EYS: variants seen among roughly 807,000 people sequenced by gnomAD.
EYS encodes EGF-like photoreceptor maintenance factor.
EYS carries 250 observed loss-of-function variants against 282.1 expected under a neutral mutation model. That is an observed-to-expected ratio of 0.89 (90% CI 0.80 to 0.98). The LOEUF is 0.98. Ranked by LOEUF, EYS falls within the 50% of genes least tolerant of loss-of-function variation. The pLI is 0.00. For missense variants in EYS, 4,016 were observed against 3,709.0 expected, an observed-to-expected ratio of 1.08 and a Z score of -2.15; for synonymous variants, 1,355 against 1,282.9, an observed-to-expected ratio of 1.06 and a Z score of -1.20.
rs549495134 is a variant in EYS at position 64,407,010 on chromosome 6, T to C, written c.5928-18170A>G. ...AAGACACATGCACACATATGTTCAT[T>C]GCAGAACTGTTCACAGTGCAAACAC... On this transcript the variant is annotated intron_variant, in intron 28 of 42. Transcript: ENST00000503581. 7.0e-4 allele frequency among the ~76,000 whole-genome samples: 107 copies of C among 152,314 alleles called. 3 individuals are homozygous for C. The South Asian group carries it at 0.021, about 29-fold the overall frequency.
intron 2 of EYS, among the ~76,000 whole-genome samples, chr6:65,629,686 C>T (rs539835055): frequency 3.3e-5 from 5 of 152,188 alleles, no homozygotes; most frequent in South Asian, 4.2e-4. Context: ...CTCGAGAAGA[C>T]GGCCTTCAGG....
chr6:65,201,811 T>C (rs1765908801), intron 12 of EYS, among the ~76,000 whole-genome samples: 1 of 151,896 alleles, frequency 6.6e-6, no homozygotes, highest in Non-Finnish European at 1.5e-5. Context: ...AAAAAAATGA[T>C]TTTGTGTGTG....
rs150894367 is a variant in EYS, at chr6:65,345,715, G to A, written c.1460-1538C>T. ...TAAACATTAGGATTTAACTCTTAAC[G>A]TCTTCCCTCTGCCTCCCAAGACCTC... On this transcript the variant is annotated intron_variant, in intron 9 of 42. Coordinates refer to ENST00000503581, the MANE Select transcript of EYS (RefSeq NM_001142800.2). Among the ~76,000 whole-genome samples, 304 of 151,058 alleles carry A rather than the reference G, an allele frequency of 2.0e-3. 1 individual carries two copies. Among genetic ancestry groups the A allele is most frequent in the Middle Eastern group, 0.014 (4 of 290 alleles).
chr6:65,616,560 G>A (rs1766204695), intron 2 of EYS, among the ~76,000 whole-genome samples: 1 of 152,072 alleles, frequency 6.6e-6, no homozygotes, highest in East Asian at 1.9e-4. Context: ...GGCCGAGGTG[G>A]GTGGATCACG....
chr6:65,354,897 C>CA lies in EYS; in HGVS notation c.1300-1281dup, dbSNP rs982473483. ...CCATTTAATTATATTAAATGATTACCAAAAAATACAATTTTATGATATATT... is the reference window on the plus strand; with the variant it reads ...CCATTTAATTATATTAAATGATTACCAAAAAAATACAATTTTATGATATATT... On this transcript the variant is annotated intron_variant, in intron 8 of 42. Transcript: ENST00000503581. 5.0e-4 allele frequency among the ~76,000 whole-genome samples: 76 copies of CA among 151,248 alleles called. 1 individual carries two copies. Among genetic ancestry groups the CA allele is most frequent in the African/African-American group, 1.7e-3 (70 of 41,312 alleles).
chr6:64,866,606 T>C (rs1766432867), intron 19 of EYS, among the ~76,000 whole-genome samples: 2 of 151,910 alleles, frequency 1.3e-5, no homozygotes, highest in South Asian at 4.1e-4. Context: ...TCCCAAACTG[T>C]TTTTTATTTT....
intron 19 of EYS, among the ~76,000 whole-genome samples, chr6:64,883,017 A>G (rs1766970305): frequency 6.6e-6 from 1 of 151,600 alleles, no homozygotes; most frequent in Admixed American, 6.6e-5. Context: ...GAGGATCAGT[A>G]CTTGCAATAG....
intron 29 of EYS, among the ~76,000 whole-genome samples, chr6:64,324,402 T>C (rs774229479): frequency 1.3e-5 from 2 of 152,186 alleles, no homozygotes; most frequent in Non-Finnish European, 2.9e-5. Context: ...TTGTGACAGA[T>C]GCATAAAAAA....
chr6:63,759,480 T>C (rs530465021), intron 41 of EYS, among the ~76,000 whole-genome samples: 2 of 152,268 alleles, frequency 1.3e-5, no homozygotes, highest in South Asian at 2.1e-4. Context: ...GTTTCACTTA[T>C]AATTTAGCAG....
At chr6:63,739,859 ATT>A (rs34240759) in intron 41 of EYS, among the ~76,000 whole-genome samples, 1,697 of 123,510 alleles carry the variant, frequency 0.014, 19 homozygotes, top group African/African-American at 0.03. Flanking sequence ...ACGCCCAGCT[ATT>A]TTTTTTTTTT....
At chr6:64,478,293 T>G (rs1776334277) in intron 26 of EYS, among the ~76,000 whole-genome samples, 1 of 151,924 alleles carries the variant, frequency 6.6e-6, no homozygotes. Flanking sequence ...GAATGTAAAA[T>G]TTTAGGGGCT....
At chr6:65,521,283 G>C (rs1389113747) in intron 2 of EYS, among the ~76,000 whole-genome samples, 1 of 151,992 alleles carries the variant, frequency 6.6e-6, no homozygotes, top group Non-Finnish European at 1.5e-5. Flanking sequence ...CAAAAACCCT[G>C]GGGGAAGAAA....
chr6:65,627,536 C>T (rs1037291292), intron 2 of EYS, among the ~76,000 whole-genome samples: 2 of 152,078 alleles, frequency 1.3e-5, no homozygotes, highest in Non-Finnish European at 2.9e-5. Flanking sequence ...GGGAGAGGTG[C>T]GAGCAGGAAC....
intron 33 of EYS, among the ~76,000 whole-genome samples, chr6:64,064,915 T>A (rs1771311405): frequency 6.6e-6 from 1 of 152,174 alleles, no homozygotes; most frequent in East Asian, 1.9e-4. Context: ...ATGGTTGAAA[T>A]ATTTGTCTGT....
intron 35 of EYS, among the ~76,000 whole-genome samples, chr6:63,870,383 TA>T (rs1483631822): frequency 6.6e-6 from 1 of 152,190 alleles, no homozygotes; most frequent in Non-Finnish European, 1.5e-5. Flanking sequence ...TCTTTTCTGA[TA>T]TTAAGAATTA....
intron 22 of EYS, among the ~76,000 whole-genome samples, chr6:64,755,792 A>C (rs1254225496): frequency 6.6e-6 from 1 of 152,150 alleles, no homozygotes; most frequent in East Asian, 1.9e-4. Flanking sequence ...TAATGGGCAC[A>C]ATATACACTA....
chr6:65,609,781 TG>T (rs1765928435), intron 2 of EYS, among the ~76,000 whole-genome samples: 1 of 152,194 alleles, frequency 6.6e-6, no homozygotes, highest in South Asian at 2.1e-4. Flanking sequence ...ATGCATAATA[TG>T]AATATGTATC....
intron 2 of EYS, among the ~76,000 whole-genome samples, chr6:65,628,506 T>C (rs972051122): frequency 7.2e-5 from 11 of 152,138 alleles, no homozygotes; most frequent in Non-Finnish European, 1.5e-4. Flanking sequence ...TTTCGCTCTT[T>C]GCAATAAATC....
In EYS at chr6:63,839,112, A is replaced by G. The variant is rs138138892; in HGVS notation, c.7228+25074T>C. Reference sequence around the variant, plus strand: ...GCTTTTTGAAAATATACAAAAAATTATTGTTAATTATAGTCACTCTGTAGT... The same window carrying G: ...GCTTTTTGAAAATATACAAAAAATTGTTGTTAATTATAGTCACTCTGTAGT... On this transcript the variant is annotated intron_variant, in intron 36 of 42. Transcript: ENST00000503581. Among the ~76,000 whole-genome samples, 5 of 152,276 alleles carry G rather than the reference A, an allele frequency of 3.3e-5. No homozygotes were observed. In the East Asian group the frequency reaches 9.6e-4, roughly 29 times the overall value.
Sources: gnomAD v4.1 joint callset for allele counts (sites outside exome capture counted in the v4.1 genomes callset) on GRCh38, gnomAD v4.1.1 for gene constraint, MANE v1.5 for transcripts, NCBI Gene and HGNC (gene_info 2026-07-23, HGNC 2026-07-21) for gene names.